The following FLI1 variants were observed in gnomAD, a reference collection of about 807,000 sequenced individuals.
The protein encoded by FLI1 is Fli-1 proto-oncogene, ETS transcription factor, also known as Friend leukemia integration 1 transcription factor.
A neutral mutation model predicts 53.1 loss-of-function variants in FLI1; 13 were observed. The observed-to-expected ratio is 0.24, with a 90% CI of 0.16 to 0.39. The LOEUF (loss-of-function observed/expected upper bound fraction) is 0.39, where lower values mean the gene tolerates loss of function less well. Ranked by LOEUF, FLI1 falls within the 10% of genes least tolerant of loss-of-function variation. The pLI is 1.00. For missense variants in FLI1, 424 were observed against 600.5 expected (o/e 0.71, Z 3.07); for synonymous variants, 244 against 236.7 (o/e 1.03, Z -0.28).
At chr11:128,712,464 T>G (rs1288404453) in intron 1 of FLI1, among the ~76,000 whole-genome samples, 2 of 152,218 alleles carry the variant, frequency 1.3e-5, no homozygotes, top group East Asian at 3.8e-4. Flanking sequence ...GTACACTGTA[T>G]TAGTCTGTTT....
At chr11:128,710,037 G>A (rs1938721359) in intron 1 of FLI1, among the ~76,000 whole-genome samples, 1 of 152,248 alleles carries the variant, frequency 6.6e-6, no homozygotes, top group South Asian at 2.1e-4. Flanking sequence ...TAGTGTTGAA[G>A]TCACAAGTGA....
chr11:128,800,631 A>G (rs2135905849), intron 5 of FLI1, among the ~76,000 whole-genome samples: 1 of 152,326 alleles, frequency 6.6e-6, no homozygotes, highest in Non-Finnish European at 1.5e-5. Flanking sequence ...GACTTTGCGG[A>G]AAAAAATCTC....
chr11:128,732,892 A>G (rs997499226), intron 1 of FLI1, among the ~76,000 whole-genome samples: 1 of 152,226 alleles, frequency 6.6e-6, no homozygotes, highest in Non-Finnish European at 1.5e-5. Context: ...AAGAGAGGAA[A>G]AATCAGATCT....
Position 128,810,516 on chromosome 11 carries a change from A to G in FLI1, c.887A>G (p.Asn296Ser). The G allele has an allele frequency of 6.2e-7, 1 of 1,609,432 alleles. No individual in the cohort carries two copies. Among genetic ancestry groups the G allele is most frequent in the Non-Finnish European group, 8.5e-7 (1 of 1,177,840 alleles). ...CTGGAGCTGCTCTCCGACAGCGCCA[A>G]CGCCAGCTGTATCACCTGGGAGGGG... is the stretch of plus-strand genomic sequence containing the variant. ...FLLELLSDSA[N>S]ASCITWEGTN... The change falls in exon 9 of 9, where the codon AAC becomes AGC. Residue 296 changes from asparagine to serine, a missense_variant. Around this residue, in one of 5 missense-constraint regions of FLI1, gnomAD observed 71 missense variants for 174.2 expected, o/e 0.41. Transcript: ENST00000527786. The surrounding 1 kb of genome is among the most constrained non-coding windows in gnomAD (Gnocchi z 6.6).
At chr11:128,710,352 G>T (rs763407787) in intron 1 of FLI1, among the ~76,000 whole-genome samples, 1 of 151,992 alleles carries the variant, frequency 6.6e-6, no homozygotes, top group Non-Finnish European at 1.5e-5. Flanking sequence ...TTTATTGAAC[G>T]CATTGAACTA....
rs965759260 is a variant in FLI1, at chr11:128,709,929, A to G, written c.18+15653A>G. Among the ~76,000 whole-genome samples, 17 of 152,352 alleles carry G rather than the reference A, an allele frequency of 1.1e-4. 1 individual carries two copies. The highest frequency in any genetic ancestry group is 1.0e-3 in the South Asian group (5 of 4,830). On this transcript the variant is annotated intron_variant, in intron 1 of 8. Transcript: ENST00000527786. The stretch of plus-strand genomic sequence containing the variant: ...ATTTAATTGGGTTGTGACAGTCTGT[A>G]TTAAGTGTAAATGCTACTAATAGGT...
chr11:128,715,091 C>A (rs1274632035), intron 1 of FLI1, among the ~76,000 whole-genome samples: 2 of 152,134 alleles, frequency 1.3e-5, no homozygotes, highest in Non-Finnish European at 2.9e-5. Context: ...TGAGAAGAAC[C>A]AAGACATACG....
chr11:128,759,555 C>A (rs148708594), intron 2 of FLI1, among the ~76,000 whole-genome samples: 18 of 152,220 alleles, frequency 1.2e-4, no homozygotes, highest in Admixed American at 1.2e-3. Context: ...AGGGCGATAG[C>A]AAAGAGATGA....
intron 2 of FLI1, among the ~76,000 whole-genome samples, chr11:128,766,955 C>T (rs1455688838): frequency 6.6e-6 from 1 of 152,090 alleles, no homozygotes; most frequent in Non-Finnish European, 1.5e-5. Context: ...ACAGCTTCTC[C>T]TTGGCCTTCC....
upstream of FLI1, among the ~76,000 whole-genome samples, chr11:128,685,708 CAAAAAAAAAAAAA>C (rs5795633): frequency 1.7e-4 from 10 of 57,618 alleles, no homozygotes; most frequent in Middle Eastern, 0.011. Context: ...CTTGAGGAGC[CAAAAAAAAAAAAA>C]AAAAAAAAAA....
At chr11:128,758,554 G>A (rs1384253608) in intron 2 of FLI1, among the ~76,000 whole-genome samples, 1 of 152,218 alleles carries the variant, frequency 6.6e-6, no homozygotes, top group Non-Finnish European at 1.5e-5. Flanking sequence ...GAAGCCCTCA[G>A]AGGCCAGGTA....
At chr11:128,686,171 G>A, upstream of FLI1, 1 of 360,996 alleles carries the variant, frequency 2.8e-6, no homozygotes, top group South Asian at 2.0e-5. Flanking sequence ...TGAGGGGCGA[G>A]TGTTGGCAGC....
intron 1 of FLI1, among the ~76,000 whole-genome samples, chr11:128,731,508 C>A (rs1591761303): frequency 2.0e-5 from 3 of 149,038 alleles, no homozygotes; most frequent in African/African-American, 2.5e-5. Flanking sequence ...GGGGCCGTGT[C>A]AGAAAAAACA....
chr11:128,751,825 G>GTTTTTTTT (rs1234798086), intron 1 of FLI1, among the ~76,000 whole-genome samples: 1 of 140,738 alleles, frequency 7.1e-6, no homozygotes, highest in African/African-American at 2.7e-5. Flanking sequence ...TTTTTTTTTG[G>GTTTTTTTT]GTTTGTTTTT....
intron 5 of FLI1, among the ~76,000 whole-genome samples, chr11:128,784,226 C>T (rs1942014299): frequency 3.0e-5 from 1 of 33,890 alleles, no homozygotes; most frequent in Non-Finnish European, 5.9e-5. Flanking sequence ...ACCATCTCCT[C>T]CTCCTCCTCC....
chr11:128,772,710 G>T (rs1382784623), intron 3 of FLI1, 72 bp from the exon 4 acceptor site: 3 of 1,208,512 alleles, frequency 2.5e-6, no homozygotes, highest in Non-Finnish European at 3.7e-6. Context: ...AAGGGGTGAG[G>T]GAGGCTGCCT....
chr11:128,780,731 A>C (rs1941888974), intron 4 of FLI1, among the ~76,000 whole-genome samples: 1 of 152,186 alleles, frequency 6.6e-6, no homozygotes. Context: ...CCATGACTGG[A>C]GACTAAAAAT....
chr11:128,771,950 T>C (rs1941574403), intron 3 of FLI1, among the ~76,000 whole-genome samples: 1 of 152,058 alleles, frequency 6.6e-6, no homozygotes, highest in Admixed American at 6.6e-5. Context: ...CTTCAGACTG[T>C]GATGAGTGAT....
chr11:128,770,117 G>A (rs955698734), intron 3 of FLI1, among the ~76,000 whole-genome samples: 1 of 152,204 alleles, frequency 6.6e-6, no homozygotes, highest in African/African-American at 2.4e-5. Flanking sequence ...TTGGAAATGG[G>A]CAGAAGTGGC....
Sources: allele counts gnomAD v4.1 joint callset (sites outside exome capture counted in the v4.1 genomes callset), GRCh38; gene constraint gnomAD v4.1.1; regional missense constraint gnomAD v4.1.1; non-coding constraint Gnocchi (gnomAD v3.1); transcripts MANE v1.5; gene names NCBI Gene and HGNC (gene_info 2026-07-23, HGNC 2026-07-21).